The following WNT2B variants were observed in gnomAD, a reference collection of about 807,000 sequenced individuals.
The protein encoded by WNT2B is protein Wnt-2b.
WNT2B carries 19 observed loss-of-function variants against 40.5 expected under a neutral mutation model. The ratio of observed to expected loss-of-function variants is 0.47; its 90% CI spans 0.33 to 0.69. WNT2B has a LOEUF of 0.69. WNT2B is among the 30% of genes least tolerant of loss of function. WNT2B has a pLI of 0.02. For synonymous variants in WNT2B, 220 were observed against 211.9 expected (o/e 1.04, Z -0.33); for missense variants, 467 against 556.4 (o/e 0.84, Z 1.62).
At chr1:112,504,556 TC>T (rs1557917100), upstream of WNT2B, among the ~76,000 whole-genome samples, 1 of 151,920 alleles carries the variant, frequency 6.6e-6, no homozygotes, top group Admixed American at 6.6e-5. Context: ...CCCACTCTTT[TC>T]CCCCCTTAAC....
chr1:112,473,165 G>A (rs1381717307), intron 1 of WNT2B, among the ~76,000 whole-genome samples: 3 of 134,278 alleles, frequency 2.2e-5, no homozygotes, highest in South Asian at 2.5e-4. Flanking sequence ...AAAAGAAAGA[G>A]AGGAAGGGAG....
At chr1:112,504,776 TC>T (rs1203749434), upstream of WNT2B, among the ~76,000 whole-genome samples, 4 of 151,178 alleles carry the variant, frequency 2.6e-5, no homozygotes, top group Admixed American at 6.6e-5. Flanking sequence ...CATCCAAACC[TC>T]CCCCCAGCCC....
intron 1 of WNT2B, among the ~76,000 whole-genome samples, chr1:112,471,704 T>C (rs1403646319): frequency 1.3e-5 from 2 of 152,212 alleles, no homozygotes; most frequent in Non-Finnish European, 2.9e-5. Flanking sequence ...CCAAAGGTTG[T>C]ATTCTAGGAA....
At chr1:112,503,867 G>C (rs1007457999) in intron 1 of WNT2B, among the ~76,000 whole-genome samples, 1 of 152,102 alleles carries the variant, frequency 6.6e-6, no homozygotes, top group Non-Finnish European at 1.5e-5. Flanking sequence ...GACCCAGGGA[G>C]ATGGAGACTC....
intron 1 of WNT2B, among the ~76,000 whole-genome samples, chr1:112,484,658 C>A (rs1298215631): frequency 1.3e-5 from 2 of 150,760 alleles, no homozygotes; most frequent in African/African-American, 4.9e-5. Flanking sequence ...CCTAGCTACT[C>A]AGAAGGCTGA....
Position 112,523,822 on chromosome 1 carries a change from A to T in WNT2B, c.*3313A>T, listed in dbSNP as rs2101112363. ...TCCTTTAGAGAAGGCACATGACTGA[A>T]GTACCTCAGCTGCGCAGCCTGTAGC... On this transcript the variant is annotated 3_prime_UTR_variant, in exon 5 of 5. Transcript: ENST00000369684. 1 of 152,320 alleles carries T rather than the reference A, an allele frequency of 6.6e-6. No individual in the cohort carries two copies. The allele number at this position is 152,320 out of a possible 1,614,324, so 9.4% of individuals were successfully genotyped here.
At position 112,517,482 on chromosome 1, in the gene WNT2B, G is replaced by C. The variant is rs114903034; in HGVS notation, c.946+97G>C. 390 of 1,440,704 alleles carry C rather than the reference G, an allele frequency of 2.7e-4. 1 individual carries two copies. The African/African-American group carries it at 5.1e-3, about 19-fold the overall frequency. 89.2% of individuals were successfully genotyped at this position (1,440,704 alleles called of 1,614,324 possible). On this transcript the variant is annotated intron_variant, in intron 4 of 4. Coordinates refer to ENST00000369684, the MANE Select transcript of WNT2B (RefSeq NM_024494.3). The stretch of plus-strand genomic sequence containing the variant: ...TGTTCAGTCTCAGGAGTTAGGGAAG[G>C]GGGTGCTGTGGGAGGAGGCAGTTTC...
intron 1 of WNT2B, among the ~76,000 whole-genome samples, chr1:112,469,084 T>A (rs1156366146): frequency 6.6e-6 from 1 of 152,216 alleles, no homozygotes; most frequent in East Asian, 1.9e-4. Flanking sequence ...TTGTATGTCC[T>A]TGGTGATTTG....
In WNT2B at chr1:112,516,251, C is replaced by T. The variant is rs1652533797; in HGVS notation, c.515C>T (p.Thr172Ile). 3 of 1,614,018 alleles carry T rather than the reference C, an allele frequency of 1.9e-6. No homozygotes were observed. In the African/African-American group the frequency reaches 4.0e-5, roughly 22 times the overall value. The stretch of plus-strand genomic sequence containing the variant: ...AGTGTGTGCAGCTGTGACCCCTACA[C>T]CCGTGGCCGACACCATGACCAGCGT... ...ELSVCSCDPY[T>I]RGRHHDQRGD... is the part of the protein sequence containing the mutation. The change falls in exon 3 of 5, where the codon ACC becomes ATC. Residue 172 changes from threonine to isoleucine, a missense_variant. By Grantham distance (89) the Thr-to-Ile change is moderately conservative (BLOSUM62 -1). This residue lies in a region of WNT2B where 330 missense variants were observed against 438.6 expected (regional missense o/e 0.75). Coordinates refer to ENST00000369684, the MANE Select transcript of WNT2B (RefSeq NM_024494.3).
At chr1:112,467,456 G>T (rs1348134750) in exon 1 of WNT2B, 1 of 739,036 alleles carries the variant, frequency 1.4e-6, no homozygotes, top group African/African-American at 1.7e-5. Flanking sequence ...TGTAAAATTT[G>T]CAAAATAAGA....
upstream of WNT2B, among the ~76,000 whole-genome samples, chr1:112,506,284 C>T (rs746707523): frequency 2.8e-4 from 43 of 152,226 alleles, no homozygotes; most frequent in Admixed American, 9.8e-4. Context: ...CAGGCGTAAG[C>T]CACCAAGCCT....
Position 112,523,954 on chromosome 1 carries a change from T to C in WNT2B, c.*3445T>C, listed in dbSNP as rs563877664. The C allele has an allele frequency of 6.6e-6, 1 of 151,800 alleles. No homozygotes were observed. Among genetic ancestry groups the C allele is most frequent in the African/African-American group, 2.4e-5 (1 of 41,376 alleles). The allele number at this position is 151,800 out of a possible 1,614,324, so 9.4% of individuals were successfully genotyped here. A position where few individuals can be genotyped will look rare whatever the true frequency, so the allele number is the denominator to read the frequency against. ...TGAATAATGGCACTAATCCACACTC[T>C]TCCTTAGAGTGATGCTGGAAAAATA... On this transcript the variant is annotated 3_prime_UTR_variant, in exon 5 of 5. Transcript: ENST00000369684.
Position 112,509,046 on chromosome 1 carries a change from C to G in WNT2B, c.-217C>G. 2.2e-6 allele frequency: 3 copies of G among 1,357,094 alleles called. No individual in the cohort carries two copies. Among genetic ancestry groups the G allele is most frequent in the Non-Finnish European group, 1.9e-6 (2 of 1,064,512 alleles). 84.1% of individuals were successfully genotyped at this position (1,357,094 alleles called of 1,614,324 possible). A position where few individuals can be genotyped will look rare whatever the true frequency, so the allele number is the denominator to read the frequency against. ...TCCTCAGGCAGCGCGCCCCAGACCCCGGGTTCGGCACGCCGTCGTCGGCTT... is the reference window on the plus strand; with the variant it reads ...TCCTCAGGCAGCGCGCCCCAGACCCGGGGTTCGGCACGCCGTCGTCGGCTT... On this transcript the variant is annotated 5_prime_UTR_variant, in exon 1 of 5. Coordinates refer to ENST00000369684, the MANE Select transcript of WNT2B (RefSeq NM_024494.3). The surrounding 1 kb of genome is among the most constrained non-coding windows in gnomAD (Gnocchi z 4.2).
rs1295953834 is a variant in WNT2B at position 112,500,013 on chromosome 1, G to A, written c.-94-14861G>A. Among the ~76,000 whole-genome samples, 3 of 152,312 alleles carry A rather than the reference G, an allele frequency of 2.0e-5. No individual in the cohort carries two copies. The East Asian group carries it at 5.8e-4, about 29-fold the overall frequency. On this transcript the variant is annotated intron_variant, in intron 1 of 4. Coordinates refer to the WNT2B transcript ENST00000256640. The stretch of plus-strand genomic sequence containing the variant: ...TGAACCAGGGAGTCTTAAAAGGGTA[G>A]ATGGTTGGGAAAAAAGCGAGGGTAT...
chr1:112,522,496 T>A lies in WNT2B; in HGVS notation c.*1987T>A, dbSNP rs1350696429. 6.6e-6 allele frequency: 1 copy of A among 152,270 alleles called. No homozygotes were observed. The highest frequency in any genetic ancestry group is 2.1e-4 in the South Asian group (1 of 4,836). 9.4% of individuals were successfully genotyped at this position (152,270 alleles called of 1,614,324 possible). On this transcript the variant is annotated 3_prime_UTR_variant, in exon 5 of 5. Coordinates refer to ENST00000369684, the MANE Select transcript of WNT2B (RefSeq NM_024494.3). The stretch of plus-strand genomic sequence containing the variant: ...ATTAAGGAGCCTGCATAAAGAATTC[T>A]GGATACAGGCCCCTGTCTTTCCAAA...
At chr1:112,517,878 T>C (rs1473087594) in intron 4 of WNT2B, 1 of 157,602 alleles carries the variant, frequency 6.3e-6, no homozygotes, top group East Asian at 1.8e-4. Flanking sequence ...CCTTGAAGTG[T>C]AGGGAGTATC....
chr1:112,467,624 C>A, intron 1 of WNT2B: 1 of 774,452 alleles, frequency 1.3e-6, no homozygotes, highest in Non-Finnish European at 2.4e-6. Context: ...TTATTTAATA[C>A]TTGTACCTAA....
intron 1 of WNT2B, among the ~76,000 whole-genome samples, chr1:112,489,421 G>A (rs934647397): frequency 4.0e-5 from 6 of 151,826 alleles, no homozygotes; most frequent in African/African-American, 9.7e-5. Context: ...AAAATTAGCC[G>A]GGCATGGCAG....
intron 1 of WNT2B, chr1:112,491,194 G>T: frequency 2.9e-6 from 3 of 1,033,336 alleles, no homozygotes; most frequent in Non-Finnish European, 4.3e-6. Context: ...TGGATCACAA[G>T]GGCAAGAGTT....
Sources: allele counts gnomAD v4.1 joint callset (sites outside exome capture counted in the v4.1 genomes callset), GRCh38; gene constraint gnomAD v4.1.1; regional missense constraint gnomAD v4.1.1; non-coding constraint Gnocchi (gnomAD v3.1); transcripts MANE v1.5; gene names NCBI Gene and HGNC (gene_info 2026-07-23, HGNC 2026-07-21).